RFX7: variants seen among roughly 807,000 people sequenced by gnomAD.
RFX7 encodes the protein regulatory factor X7, also known as DNA-binding protein RFX7.
RFX7 carries 26 observed loss-of-function variants against 111.8 expected under a neutral mutation model. That is an observed-to-expected ratio of 0.23 (90% CI 0.17 to 0.32). The LOEUF (loss-of-function observed/expected upper bound fraction) is 0.32. Among genes scored for constraint, RFX7 ranks in the 10% least tolerant of loss-of-function variants. The pLI, the probability that RFX7 is intolerant of heterozygous loss-of-function variation, is 1.00. For synonymous variants in RFX7, 624 were observed against 624.4 expected (o/e 1.00, Z 0.01); for missense variants, 1,573 against 1,772.9 (o/e 0.89, Z 2.02).
intron 3 of RFX7, among the ~76,000 whole-genome samples, chr15:56,163,075 A>G (rs2042742979): frequency 6.6e-6 from 1 of 152,082 alleles, no homozygotes; most frequent in Non-Finnish European, 1.5e-5. Context: ...AATGCAAACA[A>G]AATTTTAGTT....
chr15:56,198,567 A>G (rs1452090125), intron 2 of RFX7, among the ~76,000 whole-genome samples: 1 of 152,150 alleles, frequency 6.6e-6, no homozygotes, highest in African/African-American at 2.4e-5. Flanking sequence ...GCAAATCCAG[A>G]CTGTGGGAAA....
At chr15:56,229,763 A>C (rs1429739598) in intron 2 of RFX7, among the ~76,000 whole-genome samples, 4 of 152,192 alleles carry the variant, frequency 2.6e-5, no homozygotes, top group Non-Finnish European at 5.9e-5. Flanking sequence ...GCTGTAACCA[A>C]GTAGCACAAT....
rs1271228853 is a variant in RFX7 at position 56,094,833 on chromosome 15, TGTCGGGGTTGGG to T, written c.2883_2894del (p.Pro962_Thr965del). 1 of 1,564,240 alleles carries T rather than the reference TGTCGGGGTTGGG, an allele frequency of 6.4e-7. No homozygotes were observed. Among genetic ancestry groups the T allele is most frequent in the East Asian group, 2.3e-5 (1 of 42,980 alleles). On this transcript the variant is annotated inframe_deletion, in exon 10 of 10. Transcript: ENST00000559447. Reference sequence around the variant, plus strand: ...TCTGAGATCCAGCAATCATTTCAGATGTCGGGGTTGGGGTTGGGGTTGGAGTAGGAGTGGGTG... The same window carrying T: ...TCTGAGATCCAGCAATCATTTCAGATGTTGGGGTTGGAGTAGGAGTGGGTG...
chr15:56,202,924 A>G (rs1291585792), intron 2 of RFX7, among the ~76,000 whole-genome samples: 8 of 152,240 alleles, frequency 5.3e-5, no homozygotes, highest in Admixed American at 5.2e-4. Flanking sequence ...AAAACTGCCA[A>G]TCTCTTGGGT....
intron 8 of RFX7, among the ~76,000 whole-genome samples, chr15:56,100,776 C>CA (rs1293021538): frequency 6.6e-6 from 1 of 152,144 alleles, no homozygotes; most frequent in East Asian, 1.9e-4. Flanking sequence ...ACAAGACTGT[C>CA]AATTCCCAAA....
At position 56,090,634 on chromosome 15, in the gene RFX7, T is replaced by G. The variant is rs528223713; in HGVS notation, c.*2711A>C. 1 of 152,712 alleles carries G rather than the reference T, an allele frequency of 6.5e-6. No individual in the cohort carries two copies. The highest frequency in any genetic ancestry group is 2.4e-5 in the African/African-American group (1 of 41,570). 9.5% of individuals were successfully genotyped at this position (152,712 alleles called of 1,614,324 possible). On this transcript the variant is annotated 3_prime_UTR_variant, in exon 10 of 10. Coordinates refer to ENST00000559447, the MANE Select transcript of RFX7 (RefSeq NM_022841.7). ...GAGAACTGAAATGCTACCGCAATAT[T>G]CAACTACTGTAGTTTCAGCAGGTAC... is the stretch of plus-strand genomic sequence containing the variant.
At chr15:56,110,079 T>G (rs866190075) in intron 5 of RFX7, among the ~76,000 whole-genome samples, 4 of 94,730 alleles carry the variant, frequency 4.2e-5, no homozygotes, top group South Asian at 4.4e-4. Flanking sequence ...CCGCCCCGTC[T>G]GGGAGGGAGG....
intron 2 of RFX7, among the ~76,000 whole-genome samples, chr15:56,236,962 C>T (rs2043630473): frequency 6.6e-6 from 1 of 151,870 alleles, no homozygotes; most frequent in African/African-American, 2.4e-5. Flanking sequence ...TAACAGAACC[C>T]TTGCACAAGG....
At chr15:56,178,476 C>A (rs1439249430) in intron 3 of RFX7, among the ~76,000 whole-genome samples, 4 of 152,082 alleles carry the variant, frequency 2.6e-5, no homozygotes, top group Non-Finnish European at 5.9e-5. Context: ...ATAAGCAAGA[C>A]CCAAACTTGG....
rs779753672 is a variant in RFX7, at chr15:56,142,845, T to C, written c.334A>G (p.Ile112Val). ...RAQQMHAFSW[I>V]RNTLEEHPET... ...GGATGTTCCTCTAGGGTATTCCGAA[T>C]CCAGGAAAAGGCATGCATTTGTTGT... Residue 112 changes from isoleucine to valine, a missense_variant, in exon 5 of 10, where the codon ATT becomes GTT. By Grantham distance (29) the Ile-to-Val change is conservative. Around this residue, in one of 7 missense-constraint regions of RFX7, gnomAD observed 191 missense variants for 194.2 expected, o/e 0.98. Transcript: ENST00000559447. 2 of 1,613,650 alleles carry C rather than the reference T, an allele frequency of 1.2e-6. No homozygotes were observed. The highest frequency in any genetic ancestry group is 3.3e-5 in the Admixed American group (2 of 59,928).
chr15:56,181,820 A>G (rs1455355686), intron 2 of RFX7, among the ~76,000 whole-genome samples: 3 of 148 alleles, frequency 0.02, no homozygotes, highest in African/African-American at 0.075. Flanking sequence ...ATAGCCTTTT[A>G]AAGCAGGGTC....
At chr15:56,171,861 T>A (rs1237805465) in intron 3 of RFX7, among the ~76,000 whole-genome samples, 6 of 152,146 alleles carry the variant, frequency 3.9e-5, no homozygotes, top group African/African-American at 9.7e-5. Flanking sequence ...TATATGGGCC[T>A]AGAGCTTAGG....
At chr15:56,148,276 C>T (rs765257507) in intron 3 of RFX7, among the ~76,000 whole-genome samples, 41 of 152,146 alleles carry the variant, frequency 2.7e-4, no homozygotes, top group Non-Finnish European at 7.4e-5. Context: ...GCAAGTGAGC[C>T]GACCTTGCAT....
At chr15:56,104,429 G>A (rs2041801595) in intron 5 of RFX7, among the ~76,000 whole-genome samples, 1 of 152,192 alleles carries the variant, frequency 6.6e-6, no homozygotes, top group African/African-American at 2.4e-5. Flanking sequence ...GCCTTTGGGA[G>A]AACCACTACC....
chr15:56,139,312 T>C (rs1212485270), intron 5 of RFX7, among the ~76,000 whole-genome samples: 1 of 152,014 alleles, frequency 6.6e-6, no homozygotes, highest in African/African-American at 2.4e-5. Flanking sequence ...GCTTTGCTCA[T>C]TTCTTTTTAT....
intron 2 of RFX7, among the ~76,000 whole-genome samples, chr15:56,224,849 T>C (rs767639432): frequency 1.8e-4 from 27 of 152,230 alleles, no homozygotes; most frequent in African/African-American, 6.3e-4. Flanking sequence ...CATTTAACTA[T>C]GTATTCATCT....
intron 2 of RFX7, among the ~76,000 whole-genome samples, chr15:56,231,777 G>A (rs1024944298): frequency 6.6e-6 from 1 of 152,092 alleles, no homozygotes; most frequent in African/African-American, 2.4e-5. Flanking sequence ...TTCCACCTAT[G>A]AGCCTGTAAA....
At chr15:56,151,843 C>G (rs1283638327) in intron 3 of RFX7, among the ~76,000 whole-genome samples, 3 of 151,834 alleles carry the variant, frequency 2.0e-5, no homozygotes, top group African/African-American at 7.3e-5. Flanking sequence ...CACATAGGCT[C>G]AAATAAAGGG....
rs1186957511 is a variant in RFX7 at position 56,110,859 on chromosome 15, C to T, written c.402-7189G>A. Among the ~76,000 whole-genome samples, 33 of 6,404 alleles carry T rather than the reference C, an allele frequency of 5.2e-3. 6 individuals are homozygous for T. Among genetic ancestry groups the T allele is most frequent in the African/African-American group, 5.6e-3 (33 of 5,884 alleles). 4.2% of individuals were successfully genotyped at this position (6,404 alleles called of 152,430 possible). ...CGCCCCTACTGGGAAGTGAGGAGCC[C>T]CTCTGCCCGGCCAGCTGCCCCGTCC... On this transcript the variant is annotated intron_variant, in intron 5 of 9. Coordinates refer to ENST00000559447, the MANE Select transcript of RFX7 (RefSeq NM_022841.7).
Sources: allele counts gnomAD v4.1 joint callset (sites outside exome capture counted in the v4.1 genomes callset), GRCh38; gene constraint gnomAD v4.1.1; regional missense constraint gnomAD v4.1.1; transcripts MANE v1.5; gene names NCBI Gene and HGNC (gene_info 2026-07-23, HGNC 2026-07-21).